CCDC7: variants seen among roughly 807,000 people sequenced by gnomAD.
The protein encoded by CCDC7 is coiled-coil domain-containing protein 7.
CCDC7 carries 183 observed loss-of-function variants against 196.9 expected under a neutral mutation model. That is an observed-to-expected ratio of 0.93 (90% CI 0.82 to 1.05). CCDC7 has a LOEUF of 1.05. CCDC7 is among the 50% of genes least tolerant of loss of function. CCDC7 has a pLI of 0.00. For synonymous variants in CCDC7, 525 were observed against 484.6 expected, an observed-to-expected ratio of 1.08 and a Z score of -1.10; for missense variants, 1,540 against 1,482.2, an observed-to-expected ratio of 1.04 and a Z score of -0.64.
At chr10:32,657,281 TG>T (rs955702601) in intron 20 of CCDC7, among the ~76,000 whole-genome samples, 1 of 152,196 alleles carries the variant, frequency 6.6e-6, no homozygotes, top group African/African-American at 2.4e-5. Flanking sequence ...GGACTCTGTG[TG>T]GGGGCTCCAA....
chr10:32,751,920 G>T (rs1166422050), intron 28 of CCDC7, among the ~76,000 whole-genome samples: 1 of 152,134 alleles, frequency 6.6e-6, no homozygotes, highest in African/African-American at 2.4e-5. Context: ...ACGTGATTCA[G>T]TGCCTATAAT....
At chr10:32,744,372 T>C (rs2074341955) in intron 28 of CCDC7, among the ~76,000 whole-genome samples, 1 of 142,994 alleles carries the variant, frequency 7.0e-6, no homozygotes, top group African/African-American at 2.5e-5. Context: ...TTCCTGCTGG[T>C]GAAAAAAAAA....
At chr10:32,482,482 ATTC>A (rs2040163601) in intron 8 of CCDC7, among the ~76,000 whole-genome samples, 4 of 149,684 alleles carry the variant, frequency 2.7e-5, no homozygotes, top group Non-Finnish European at 5.9e-5. Context: ...ATTTTATTAT[ATTC>A]TTTGGCATCA....
chr10:32,768,067 GA>G (rs748048281), intron 28 of CCDC7, among the ~76,000 whole-genome samples: 1 of 151,568 alleles, frequency 6.6e-6, no homozygotes, highest in Non-Finnish European at 1.5e-5. Flanking sequence ...ATACAGAGAA[GA>G]AAAAAATGGA....
chr10:32,603,979 G>C (rs1325062829), intron 18 of CCDC7, among the ~76,000 whole-genome samples: 1 of 151,942 alleles, frequency 6.6e-6, no homozygotes, highest in Non-Finnish European at 1.5e-5. Context: ...TATTTTTGTT[G>C]TTGTTGCCTG....
intron 28 of CCDC7, among the ~76,000 whole-genome samples, chr10:32,762,984 G>C (rs2077689835): frequency 6.6e-6 from 1 of 151,566 alleles, no homozygotes; most frequent in Non-Finnish European, 1.5e-5. Context: ...CAAGAGCACA[G>C]GACACAAAAG....
intron 21 of CCDC7, among the ~76,000 whole-genome samples, chr10:32,667,055 A>C (rs1199256979): frequency 1.3e-5 from 2 of 152,104 alleles, no homozygotes; most frequent in African/African-American, 4.8e-5. Flanking sequence ...CTGACTTTTT[A>C]ATGATCACCA....
chr10:32,640,870 T>TTC (rs1554940367), intron 20 of CCDC7, among the ~76,000 whole-genome samples: 1 of 76,574 alleles, frequency 1.3e-5, no homozygotes, highest in East Asian at 3.2e-4. Context: ...TTTTCTTTTT[T>TTC]TTTTTCTTTT....
chr10:32,652,338 A>T (rs1341725093), intron 20 of CCDC7, among the ~76,000 whole-genome samples: 1 of 151,964 alleles, frequency 6.6e-6, no homozygotes, highest in Admixed American at 6.6e-5. Flanking sequence ...TAGGGCACAT[A>T]TACTTGGATC....
chr10:32,605,203 C>T (rs1163439889), intron 18 of CCDC7, among the ~76,000 whole-genome samples: 1 of 152,120 alleles, frequency 6.6e-6, no homozygotes. Flanking sequence ...CAAGGCTTCA[C>T]CAGACACCAA....
intron 18 of CCDC7, among the ~76,000 whole-genome samples, chr10:32,586,591 A>G (rs1406151921): frequency 6.6e-6 from 1 of 152,168 alleles, no homozygotes; most frequent in Non-Finnish European, 1.5e-5. Context: ...TTTTCTGCAT[A>G]TGGCTAGCCA....
rs1187669000 is a variant in CCDC7 at position 32,871,510 on chromosome 10, G to GCT, written c.4112-4836_4112-4835dup. On this transcript the variant is annotated intron_variant, in intron 41 of 41. Coordinates refer to ENST00000639629, the Ensembl canonical transcript of CCDC7. ...CTCTTTTTTCTTCTTTATTAGTCTTGCTAGCGGTCTGTCAATTTTGTTGAT... is the reference window on the plus strand; with the variant it reads ...CTCTTTTTTCTTCTTTATTAGTCTTGCTCTAGCGGTCTGTCAATTTTGTTGAT... Among the ~76,000 whole-genome samples, 38 of 149,866 alleles carry GCT rather than the reference G, an allele frequency of 2.5e-4. 2 individuals are homozygous for GCT. Among genetic ancestry groups the GCT allele is most frequent in the African/African-American group, 9.1e-4 (36 of 39,392 alleles).
At chr10:32,871,035 G>A (rs1486201210) in intron 41 of CCDC7, among the ~76,000 whole-genome samples, 1 of 152,126 alleles carries the variant, frequency 6.6e-6, no homozygotes, top group African/African-American at 2.4e-5. Context: ...ATGTTCATCA[G>A]GGATATTGGT....
At chr10:32,813,093 A>C (rs1297496364) in intron 30 of CCDC7, among the ~76,000 whole-genome samples, 1 of 149,024 alleles carries the variant, frequency 6.7e-6, no homozygotes, top group African/African-American at 2.5e-5. Flanking sequence ...TTCCCAAAAC[A>C]GCAACAACAA....
rs9731060 is a variant in CCDC7, at chr10:32,819,417, A to T, written c.3181+4964A>T. 1.4e-3 allele frequency among the ~76,000 whole-genome samples: 208 copies of T among 152,268 alleles called. 3 individuals are homozygous for T. In the East Asian group the frequency reaches 0.029, roughly 21 times the overall value. Reference sequence around the variant, plus strand: ...TGGAGCTGTTATGATTCCTTCTGAAACTATTCCAACCAATAGAAAAAGAGG... The same window carrying T: ...TGGAGCTGTTATGATTCCTTCTGAATCTATTCCAACCAATAGAAAAAGAGG... On this transcript the variant is annotated intron_variant, in intron 31 of 41. Coordinates refer to ENST00000639629, the Ensembl canonical transcript of CCDC7.
chr10:32,685,693 A>G (rs1346660512), intron 21 of CCDC7, among the ~76,000 whole-genome samples: 1 of 152,216 alleles, frequency 6.6e-6, no homozygotes, highest in African/African-American at 2.4e-5. Flanking sequence ...GGTTTATGAC[A>G]TCTATATGAT....
chr10:32,518,057 C>G, intron 10 of CCDC7, 82 bp downstream of exon 11: 1 of 1,439,192 alleles, frequency 6.9e-7, no homozygotes. Context: ...GATACATAAT[C>G]CTATATAAAG....
intron 18 of CCDC7, among the ~76,000 whole-genome samples, chr10:32,633,753 T>TGTGA (rs35359929): frequency 6.7e-6 from 1 of 149,798 alleles, no homozygotes; most frequent in African/African-American, 2.4e-5. Flanking sequence ...TGTGTGTGTG[T>TGTGA]ATATATATAT....
chr10:32,639,788 C>T (rs1010526243), intron 20 of CCDC7, among the ~76,000 whole-genome samples: 1 of 152,034 alleles, frequency 6.6e-6, no homozygotes, highest in African/African-American at 2.4e-5. Context: ...GCCAGCACTG[C>T]CGGCTAATTT....
Sources: allele counts gnomAD v4.1 joint callset (sites outside exome capture counted in the v4.1 genomes callset), GRCh38; gene constraint gnomAD v4.1.1; transcripts MANE v1.5; gene names NCBI Gene and HGNC (gene_info 2026-07-23, HGNC 2026-07-21).